The following SH3TC2 variants were observed in gnomAD, a reference collection of about 807,000 sequenced individuals.
SH3TC2 encodes SH3 domain and tetratricopeptide repeat-containing protein 2.
SH3TC2 carries 87 observed loss-of-function variants against 124.5 expected under a neutral mutation model. The ratio of observed to expected loss-of-function variants is 0.70; its 90% CI spans 0.59 to 0.84. The LOEUF is 0.84. Among genes scored for constraint, SH3TC2 ranks in the 40% least tolerant of loss-of-function variants. The pLI is 0.00. For missense variants in SH3TC2, 1,536 were observed against 1,566.4 expected, an observed-to-expected ratio of 0.98 and a Z score of 0.33; for synonymous variants, 634 against 628.5, an observed-to-expected ratio of 1.01 and a Z score of -0.13.
In SH3TC2 at chr5:148,995,473, G is replaced by T. The variant is rs1753494224; in HGVS notation, c.*9238C>A. ...ACTATCTGTTTGAAAATTAAGAAAA[G>T]ACCTACCACAGCTATAGCAACTTAT... On this transcript the variant is annotated 3_prime_UTR_variant, in exon 17 of 17. Transcript: ENST00000515425. Among the ~76,000 whole-genome samples, 1 of 152,092 alleles carries T rather than the reference G, an allele frequency of 6.6e-6. No homozygotes were observed. The highest frequency in any genetic ancestry group is 1.5e-5 in the Non-Finnish European group (1 of 68,004).
chr5:149,020,362 G>C (rs1175282863), intron 12 of SH3TC2, among the ~76,000 whole-genome samples: 1 of 151,984 alleles, frequency 6.6e-6, no homozygotes, highest in African/African-American at 2.4e-5. Flanking sequence ...AATTAAAATA[G>C]TATACAAGAA....
In SH3TC2 at chr5:149,044,502, T is replaced by G. The variant is rs1276804120; in HGVS notation, c.385+31A>C. On this transcript the variant is annotated intron_variant, in intron 4 of 16. Transcript: ENST00000515425. ...CAAATTGGCTAAATTGTGGAGGAGG[T>G]CATCCTCCACCTGCTTGCCTTGTAC... 4 of 1,550,550 alleles carry G rather than the reference T, an allele frequency of 2.6e-6. No homozygotes were observed. The South Asian group carries it at 4.5e-5, about 17-fold the overall frequency.
Position 149,047,935 on chromosome 5 carries a change from G to T in SH3TC2, c.206C>A (p.Pro69His). ...CCGCCTCCGAGCAGCTTCCTGTAGG[G>T]GTCCATTTACACACCTCCTGGAGCG... ...KSRSRRCVNG[P>H]LQEAARRRLW... Residue 69 changes from proline to histidine, a missense_variant, in exon 3 of 17, where the codon CCC (proline) becomes CAC (histidine). Physicochemically the swap from Pro to His is moderately conservative, Grantham distance 77 (BLOSUM62 -2). Around this residue, in one of 3 missense-constraint regions of SH3TC2, gnomAD observed 1,102 missense variants for 1,098.6 expected, o/e 1.00. Coordinates refer to ENST00000515425, the MANE Select transcript of SH3TC2 (RefSeq NM_024577.4). The T allele has an allele frequency of 6.2e-7, 1 of 1,614,096 alleles. No homozygotes were observed. Among genetic ancestry groups the T allele is most frequent in the Admixed American group, 1.7e-5 (1 of 60,012 alleles).
At chr5:149,028,575 G>C in intron 10 of SH3TC2, 21 bp from the exon 11 acceptor site, 1 of 1,614,154 alleles carries the variant, frequency 6.2e-7, no homozygotes, top group Admixed American at 1.7e-5. Flanking sequence ...AGGCAAAGTT[G>C]AGCAACCTTG....
rs146920285 is a variant in SH3TC2 at position 149,004,892 on chromosome 5, T to A, written c.3686A>T (p.Asp1229Val). Residue 1229 changes from aspartate to valine, a missense_variant, in exon 17 of 17, where the codon GAT becomes GTT. By Grantham distance (152) the Asp-to-Val change is radical. Around this residue, in one of 3 missense-constraint regions of SH3TC2, gnomAD observed 426 missense variants for 443.5 expected, o/e 0.96. Transcript: ENST00000515425. ...LTFCQLKDAH[D>V]ATEYFLLALA... ...GGCCAGAAGGAAGTACTCAGTGGCATCATGGGCATCCTAACCCCGTGGTAT... is the reference window on the plus strand; with the variant it reads ...GGCCAGAAGGAAGTACTCAGTGGCAACATGGGCATCCTAACCCCGTGGTAT... 6,927 of 1,614,136 alleles carry A rather than the reference T, an allele frequency of 4.3e-3. 23 individuals are homozygous for A. Among genetic ancestry groups the A allele is most frequent in the Middle Eastern group, 0.011 (64 of 6,060 alleles).
At chr5:149,004,979 C>A in intron 16 of SH3TC2, 77 bp from the exon 17 acceptor site, 1 of 1,537,970 alleles carries the variant, frequency 6.5e-7, no homozygotes, top group East Asian at 2.2e-5. Flanking sequence ...GCTGTGCTGG[C>A]CACTCTAGTT....
intron 12 of SH3TC2, among the ~76,000 whole-genome samples, chr5:149,024,351 A>G (rs1050032136): frequency 6.6e-6 from 1 of 152,182 alleles, no homozygotes; most frequent in East Asian, 1.9e-4. Flanking sequence ...GCTAGACATA[A>G]TGTCTGCCCA....
intron 2 of SH3TC2, among the ~76,000 whole-genome samples, chr5:149,050,676 A>G (rs1754540600): frequency 6.6e-6 from 1 of 152,216 alleles, no homozygotes; most frequent in African/African-American, 2.4e-5. Flanking sequence ...GTCAACCAAG[A>G]AGTTTGACAG....
chr5:149,009,080 C>T lies in SH3TC2; in HGVS notation c.3328-79G>A, dbSNP rs1232921233. 5 of 1,584,870 alleles carry T rather than the reference C, an allele frequency of 3.2e-6. No individual in the cohort carries two copies. The Admixed American group carries it at 8.3e-5, about 26-fold the overall frequency. On this transcript the variant is annotated intron_variant, in intron 14 of 16. Transcript: ENST00000515425. ...CCATAGCTAGGAGACTTATCTTCTA[C>T]AGGCAGGGGTTGGGGAACGGCAGTG...
At position 149,028,022 on chromosome 5, in the gene SH3TC2, A is replaced by T. The variant is rs1754104904; in HGVS notation, c.1710T>A (p.Thr570=). ...GAFEDLSLVA[T]LYINLAAIYL... ...AGATGGCAGCCAAATTGATGTACAGAGTGGCCACCAAGGATAGGTCCTCAA... is the reference window on the plus strand; with the variant it reads ...AGATGGCAGCCAAATTGATGTACAGTGTGGCCACCAAGGATAGGTCCTCAA... The change falls in exon 11 of 17, where the codon ACT becomes ACA. Residue 570 remains threonine (T), a synonymous_variant. Transcript: ENST00000515425. 6.2e-7 allele frequency: 1 copy of T among 1,614,036 alleles called. No homozygotes were observed. Among genetic ancestry groups the T allele is most frequent in the Non-Finnish European group, 8.5e-7 (1 of 1,180,054 alleles).
At chr5:149,032,355 A>T (rs150621842) in intron 8 of SH3TC2, among the ~76,000 whole-genome samples, 1 of 152,352 alleles carries the variant, frequency 6.6e-6, no homozygotes, top group Non-Finnish European at 1.5e-5. Flanking sequence ...GTGTAAACTA[A>T]CTGTTAAGCC....
In SH3TC2 at chr5:148,996,444, C is replaced by G. The variant is rs1479591094; in HGVS notation, c.*8267G>C. ...TAATCTTTCTGTTTGCTATCCTTTC[C>G]CTCCACCCACTACAGCCCCAAAGCT... On this transcript the variant is annotated 3_prime_UTR_variant, in exon 17 of 17. Transcript: ENST00000515425. Among the ~76,000 whole-genome samples the G allele has an allele frequency of 1.3e-5, 2 of 152,162 alleles. No individual in the cohort carries two copies. The highest frequency in any genetic ancestry group is 3.8e-4 in the East Asian group (2 of 5,202).
chr5:149,049,493 G>A (rs937985761), intron 2 of SH3TC2, among the ~76,000 whole-genome samples: 7 of 152,210 alleles, frequency 4.6e-5, no homozygotes, highest in Non-Finnish European at 7.3e-5. Flanking sequence ...TAGACTGGGC[G>A]CAGTGGCTCA....
At chr5:149,026,433 G>C in intron 12 of SH3TC2, 139 bp downstream of exon 12, 2 of 966,838 alleles carry the variant, frequency 2.1e-6, no homozygotes, top group Non-Finnish European at 3.2e-6. Context: ...ATGCATTGTG[G>C]TGGCTGCAGA....
In SH3TC2 at chr5:149,010,601, C is replaced by T. The variant is rs755193819; in HGVS notation, c.3205-209G>A. ...TTCCCCATCCTGTTATGAGAGATTG[C>T]TTTTGGTGGTGCTAGATTATTTTTA... On this transcript the variant is annotated intron_variant, in intron 13 of 16. Transcript: ENST00000515425. 2.6e-5 allele frequency among the ~76,000 whole-genome samples: 4 copies of T among 152,104 alleles called. No individual in the cohort carries two copies. The South Asian group carries it at 8.3e-4, about 32-fold the overall frequency.
At position 149,041,489 on chromosome 5, in the gene SH3TC2, C is replaced by T. The variant is rs1428903431; in HGVS notation, c.658G>A (p.Val220Met). 1.1e-5 allele frequency: 17 copies of T among 1,614,042 alleles called. No individual in the cohort carries two copies. Among genetic ancestry groups the T allele is most frequent in the South Asian group, 3.3e-5 (3 of 91,084 alleles). ...CCCCGCTGACCTGTCACCAAAGACACGCCTTCCAACTCGGAGCCAGCTTCT... is the reference window on the plus strand; with the variant it reads ...CCCCGCTGACCTGTCACCAAAGACATGCCTTCCAACTCGGAGCCAGCTTCT... ...MAEAGSELEG[V>M]SLVTGQRGLV... The change falls in exon 6 of 17, where the codon GTG becomes ATG. Residue 220 changes from valine (V) to methionine (M), a missense_variant. Val to Met is a conservative substitution (Grantham distance 21). Around this residue, in one of 3 missense-constraint regions of SH3TC2, gnomAD observed 1,102 missense variants for 1,098.6 expected, o/e 1.00. Transcript: ENST00000515425.
Position 149,036,028 on chromosome 5 carries a change from A to G in SH3TC2, c.1001+2267T>C, listed in dbSNP as rs371082037. On this transcript the variant is annotated intron_variant, in intron 8 of 16. Transcript: ENST00000515425. ...GCCTGTGGATCATACACACACACAC[A>G]CTGTGCCAGGCACCATTCTAAGGGC... 18 of 152,344 alleles carry G rather than the reference A, an allele frequency of 1.2e-4. No homozygotes were observed. In the East Asian group the frequency reaches 2.1e-3, roughly 18 times the overall value. 9.4% of individuals were successfully genotyped at this position (152,344 alleles called of 1,614,324 possible). A position where few individuals can be genotyped will look rare whatever the true frequency, so the allele number is the denominator to read the frequency against.
chr5:149,058,824 A>G (rs982146527), intron 1 of SH3TC2, among the ~76,000 whole-genome samples: 2 of 152,162 alleles, frequency 1.3e-5, no homozygotes, highest in African/African-American at 4.8e-5. Context: ...GGATACAGTA[A>G]GCGATGGTGA....
rs763241330 is a variant in SH3TC2, at chr5:149,026,556, C to G, written c.3053+16G>C. ...AAGGAAAGCTGCTTCTAGGACAGTT[C>G]CTGACCCTGACTCACCTGGCGGTAT... On this transcript the variant is annotated intron_variant, in intron 12 of 16. Coordinates refer to ENST00000515425, the MANE Select transcript of SH3TC2 (RefSeq NM_024577.4). 2.3e-5 allele frequency: 37 copies of G among 1,613,244 alleles called. No homozygotes were observed. Among genetic ancestry groups the G allele is most frequent in the Non-Finnish European group, 2.7e-5 (32 of 1,180,006 alleles).
Sources: gnomAD v4.1 joint callset for allele counts (sites outside exome capture counted in the v4.1 genomes callset) on GRCh38, gnomAD v4.1.1 for gene constraint, gnomAD v4.1.1 regional missense constraint, MANE v1.5 for transcripts, NCBI Gene and HGNC (gene_info 2026-07-23, HGNC 2026-07-21) for gene names.